GALNT13: variants seen among roughly 807,000 people sequenced by gnomAD.
The protein encoded by GALNT13 is polypeptide N-acetylgalactosaminyltransferase 13.
A neutral mutation model predicts 64.2 loss-of-function variants in GALNT13; 28 were observed. The observed-to-expected ratio is 0.44, with a 90% confidence interval of 0.32 to 0.60. The LOEUF is 0.60. Ranked by LOEUF, GALNT13 falls within the 20% of genes least tolerant of loss-of-function variation. The pLI, the probability that GALNT13 is intolerant of heterozygous loss-of-function variation, is 0.05. For missense variants in GALNT13, 577 were observed against 669.8 expected (o/e 0.86, Z 1.53); for synonymous variants, 214 against 224.6 (o/e 0.95, Z 0.42).
the GALNT13 span, among the ~76,000 whole-genome samples, chr2:153,443,256 A>G: frequency 3.3e-5 from 5 of 152,110 alleles, no homozygotes; most frequent in East Asian, 3.9e-4. Flanking sequence ...GGATTACACA[A>G]TTTCTCAAGG....
At chr2:153,713,220 G>T in the GALNT13 span, among the ~76,000 whole-genome samples, 1 of 152,038 alleles carries the variant, frequency 6.6e-6, no homozygotes, top group Non-Finnish European at 1.5e-5. Flanking sequence ...TATTTTTTAG[G>T]TAAAAGATAA....
At chr2:153,707,454 A>T in the GALNT13 span, among the ~76,000 whole-genome samples, 2 of 152,204 alleles carry the variant, frequency 1.3e-5, no homozygotes, top group Non-Finnish European at 2.9e-5. Flanking sequence ...ACACCTCCTC[A>T]GATAAAAGCC....
the GALNT13 span, among the ~76,000 whole-genome samples, chr2:153,118,769 C>T: frequency 9.2e-5 from 14 of 152,020 alleles, no homozygotes; most frequent in Admixed American, 2.6e-4. Flanking sequence ...TAAATTTTAC[C>T]ATAGTGCTAT....
the GALNT13 span, among the ~76,000 whole-genome samples, chr2:153,593,612 T>C: frequency 1.3e-5 from 2 of 152,132 alleles, no homozygotes; most frequent in African/African-American, 4.8e-5. Context: ...TTGTAAACAA[T>C]CTCTACATGG....
At chr2:153,737,192 A>T in the GALNT13 span, among the ~76,000 whole-genome samples, 1 of 152,218 alleles carries the variant, frequency 6.6e-6, no homozygotes, top group Non-Finnish European at 1.5e-5. Flanking sequence ...AGAAAGGGAG[A>T]AAGGGTAATA....
intron 3 of GALNT13, among the ~76,000 whole-genome samples, chr2:154,108,750 A>G (rs1041632497): frequency 1.3e-5 from 2 of 151,786 alleles, no homozygotes; most frequent in African/African-American, 2.4e-5. Context: ...TATCCATTTT[A>G]GGGTATGAGT....
chr2:153,787,624 A>G, the GALNT13 span, among the ~76,000 whole-genome samples: 1 of 152,218 alleles, frequency 6.6e-6, no homozygotes, highest in Non-Finnish European at 1.5e-5. Context: ...ACTGGAATTC[A>G]GAATATGGAT....
At chr2:153,894,773 C>G (rs955021243) in intron 1 of GALNT13, among the ~76,000 whole-genome samples, 3 of 152,102 alleles carry the variant, frequency 2.0e-5, no homozygotes, top group African/African-American at 7.2e-5. Flanking sequence ...ATGTAATTTT[C>G]TTCTCTAACA....
the GALNT13 span, among the ~76,000 whole-genome samples, chr2:153,397,258 G>T: frequency 1.3e-5 from 2 of 152,096 alleles, no homozygotes; most frequent in Non-Finnish European, 2.9e-5. Context: ...TGTGTCTCCA[G>T]GGTGTATGTT....
intron 9 of GALNT13, among the ~76,000 whole-genome samples, chr2:154,326,260 G>T (rs1041019180): frequency 6.7e-6 from 1 of 148,966 alleles, no homozygotes; most frequent in Non-Finnish European, 1.5e-5. Flanking sequence ...TTCCAACATT[G>T]AATCCTTTAA....
the GALNT13 span, among the ~76,000 whole-genome samples, chr2:153,109,381 A>G: frequency 6.6e-6 from 1 of 152,128 alleles, no homozygotes; most frequent in African/African-American, 2.4e-5. Context: ...AAAGCAAAGC[A>G]CTATAATACC....
chr2:153,448,091 A>C, the GALNT13 span, among the ~76,000 whole-genome samples: 1 of 152,222 alleles, frequency 6.6e-6, no homozygotes, highest in Non-Finnish European at 1.5e-5. Context: ...CCAGAATTTT[A>C]ACTGTAAATG....
chr2:153,565,425 T>C, the GALNT13 span, among the ~76,000 whole-genome samples: 12 of 152,166 alleles, frequency 7.9e-5, no homozygotes, highest in Admixed American at 2.0e-4. Flanking sequence ...TAATATCTTT[T>C]GCTTCCAAAT....
At chr2:153,133,702 C>T in the GALNT13 span, among the ~76,000 whole-genome samples, 1 of 152,114 alleles carries the variant, frequency 6.6e-6, no homozygotes, top group Non-Finnish European at 1.5e-5. Flanking sequence ...TAGGGCAACA[C>T]AACTTTCCAT....
intron 6 of GALNT13, 41 bp downstream of exon 6, chr2:154,242,946 A>C (rs1173251092): frequency 6.7e-7 from 1 of 1,483,942 alleles, no homozygotes. Flanking sequence ...TTATGACTGA[A>C]CCTCTTAGGA....
At chr2:154,114,635 G>A (rs1022360202) in intron 3 of GALNT13, among the ~76,000 whole-genome samples, 1 of 152,120 alleles carries the variant, frequency 6.6e-6, no homozygotes, top group African/African-American at 2.4e-5. Flanking sequence ...TACTGGGTCT[G>A]TAAACTGGAT....
intron 4 of GALNT13, among the ~76,000 whole-genome samples, chr2:154,154,130 T>A (rs1042156653): frequency 2.0e-5 from 3 of 152,228 alleles, no homozygotes; most frequent in African/African-American, 7.2e-5. Context: ...TATATTTTTG[T>A]TCCATGTGAC....
At chr2:154,257,410 T>C (rs1573966741) in intron 7 of GALNT13, among the ~76,000 whole-genome samples, 1 of 152,110 alleles carries the variant, frequency 6.6e-6, no homozygotes, top group East Asian at 1.9e-4. Context: ...GCAGCAATTT[T>C]GGTTCCTAAT....
At chr2:154,202,488 G>A (rs149797897) in intron 4 of GALNT13, among the ~76,000 whole-genome samples, 1 of 151,964 alleles carries the variant, frequency 6.6e-6, no homozygotes, top group Non-Finnish European at 1.5e-5. Context: ...ATGACTCTCA[G>A]TATCCTCTTT....
Sources: gnomAD v4.1 joint callset for allele counts (sites outside exome capture counted in the v4.1 genomes callset) on GRCh38, gnomAD v4.1.1 for gene constraint, MANE v1.5 for transcripts, NCBI Gene and HGNC (gene_info 2026-07-23, HGNC 2026-07-21) for gene names.